The following KAT14 variants were observed in gnomAD, a reference collection of about 807,000 sequenced individuals.
The protein encoded by KAT14 is lysine acetyltransferase 14, also known as cysteine-rich protein 2-binding protein.
A neutral mutation model predicts 78.4 loss-of-function variants in KAT14; 66 were observed. The observed-to-expected ratio is 0.84, with a 90% CI of 0.69 to 1.03. The LOEUF (loss-of-function observed/expected upper bound fraction) is 1.03, where lower values mean the gene tolerates loss of function less well. Ranked by LOEUF, KAT14 falls within the 50% of genes least tolerant of loss-of-function variation. KAT14 has a pLI of 0.00. For synonymous variants in KAT14, 344 were observed against 359.4 expected (o/e 0.96, Z 0.48); for missense variants, 870 against 972.5 (o/e 0.89, Z 1.40).
At chr20:18,138,731 C>T (rs961518013) in intron 1 of KAT14, among the ~76,000 whole-genome samples, 4 of 152,066 alleles carry the variant, frequency 2.6e-5, no homozygotes, top group Admixed American at 1.3e-4. Context: ...AGGAAATATC[C>T]GTGACCTGCT....
At chr20:18,145,957 G>T (rs1179878731) in intron 3 of KAT14, among the ~76,000 whole-genome samples, 1 of 152,144 alleles carries the variant, frequency 6.6e-6, no homozygotes, top group Non-Finnish European at 1.5e-5. Flanking sequence ...TGGAAAGATG[G>T]CTATGTTGAA....
At chr20:18,137,622 T>C (rs894475855), upstream of KAT14, among the ~76,000 whole-genome samples, 6 of 152,158 alleles carry the variant, frequency 3.9e-5, no homozygotes, top group Non-Finnish European at 8.8e-5. Context: ...CTGAACTGAC[T>C]GAGGGGCATG....
intron 7 of KAT14, among the ~76,000 whole-genome samples, chr20:18,179,385 T>C (rs2039166499): frequency 6.6e-6 from 1 of 152,232 alleles, no homozygotes; most frequent in Admixed American, 6.5e-5. Flanking sequence ...ATGAGGGCCC[T>C]GCCCTGACAG....
chr20:18,168,191 TTACA>T (rs1392003872), intron 7 of KAT14, among the ~76,000 whole-genome samples: 1 of 152,204 alleles, frequency 6.6e-6, no homozygotes, highest in African/African-American at 2.4e-5. Flanking sequence ...CATTATCATC[TTACA>T]TACAGTGTCA....
In KAT14 at chr20:18,184,717, C is replaced by T; in HGVS notation, c.2097C>T (p.Tyr699=). The change falls in exon 10 of 11, where the codon TAC becomes TAT. Residue 699 remains tyrosine, a synonymous_variant. Transcript: ENST00000688188. ...MVPDVKYNEA[Y]ISFLFVHPEW... ...CTGATGTGAAATACAATGAAGCTTA[C>T]ATTTCATTTCTGTTCGTCCACCCTG... is the stretch of plus-strand genomic sequence containing the variant. The T allele has an allele frequency of 1.2e-6, 2 of 1,613,626 alleles. No homozygotes were observed. The highest frequency in any genetic ancestry group is 2.2e-5 in the South Asian group (2 of 90,988).
intron 7 of KAT14, among the ~76,000 whole-genome samples, chr20:18,165,990 G>C (rs538625450): frequency 1.0e-3 from 157 of 152,296 alleles, no homozygotes; most frequent in African/African-American, 3.7e-3. Flanking sequence ...CGACGCCATA[G>C]GTTTAAAAGA....
chr20:18,186,333 A>C (rs1241440437), intron 10 of KAT14, among the ~76,000 whole-genome samples: 2 of 152,212 alleles, frequency 1.3e-5, no homozygotes, highest in Non-Finnish European at 2.9e-5. Flanking sequence ...GCAATCTAGC[A>C]AACACCAATA....
At chr20:18,166,913 C>T (rs545728497) in intron 7 of KAT14, among the ~76,000 whole-genome samples, 1 of 152,350 alleles carries the variant, frequency 6.6e-6, no homozygotes, top group East Asian at 1.9e-4. Context: ...CACTGCACTT[C>T]CTTTAGGTTT....
chr20:18,156,889 A>G (rs2038246744), intron 4 of KAT14, among the ~76,000 whole-genome samples: 1 of 152,212 alleles, frequency 6.6e-6, no homozygotes, highest in African/African-American at 2.4e-5. Flanking sequence ...AAGTACTGGG[A>G]CTTCCAACAT....
chr20:18,162,139 C>G lies in KAT14; in HGVS notation c.999C>G (p.Phe333Leu). ...TSPSPSPSLD[F>L]SAPGTPASHS... ...CATCTCCTTCTCCTTCTCTGGATTTCTCTGCCCCTGGTACACCTGCCTCTC... is the reference window on the plus strand; with the variant it reads ...CATCTCCTTCTCCTTCTCTGGATTTGTCTGCCCCTGGTACACCTGCCTCTC... Residue 333 changes from phenylalanine (F) to leucine (L), a missense_variant, in exon 6 of 11, where the codon TTC (phenylalanine) becomes TTG (leucine). Phe to Leu is a conservative substitution (Grantham distance 22, BLOSUM62 0). Coordinates refer to ENST00000688188, the MANE Select transcript of KAT14 (RefSeq NM_001392073.1). 1 of 1,614,246 alleles carries G rather than the reference C, an allele frequency of 6.2e-7. No homozygotes were observed. The highest frequency in any genetic ancestry group is 8.5e-7 in the Non-Finnish European group (1 of 1,180,048).
intron 5 of KAT14, among the ~76,000 whole-genome samples, chr20:18,159,582 CATG>C (rs2038345764): frequency 6.6e-6 from 1 of 152,222 alleles, no homozygotes; most frequent in African/African-American, 2.4e-5. Context: ...TAATAAATAA[CATG>C]ATGAATTCCC....
rs1170458126 is a variant in KAT14 at position 18,176,568 on chromosome 20, TGAA to T, written c.1669-5141_1669-5139del. Among the ~76,000 whole-genome samples, 5 of 151,864 alleles carry T rather than the reference TGAA, an allele frequency of 3.3e-5. No homozygotes were observed. In the East Asian group the frequency reaches 7.7e-4, roughly 23 times the overall value. On this transcript the variant is annotated intron_variant, in intron 7 of 10. Coordinates refer to ENST00000688188, the MANE Select transcript of KAT14 (RefSeq NM_001392073.1). Reference sequence around the variant, plus strand: ...ACGGCCTCTCTGAGGAGGCAGCACTTGAACTAAGTCCACAAGGAGGAGCCAGGG... The same window carrying T: ...ACGGCCTCTCTGAGGAGGCAGCACTTCTAAGTCCACAAGGAGGAGCCAGGG...
At chr20:18,147,154 C>T (rs926660700) in intron 3 of KAT14, among the ~76,000 whole-genome samples, 10 of 152,120 alleles carry the variant, frequency 6.6e-5, no homozygotes, top group Non-Finnish European at 1.2e-4. Flanking sequence ...TAGCAGCCTT[C>T]GTCTATTATC....
intron 1 of KAT14, 197 bp downstream of exon 1, chr20:18,138,248 G>A (rs897566551): frequency 4.0e-6 from 5 of 1,240,780 alleles, no homozygotes; most frequent in Non-Finnish European, 5.0e-6. Context: ...CTCCCGGCGG[G>A]CGTGTGCAGC....
chr20:18,146,039 G>A (rs763624500), intron 3 of KAT14, among the ~76,000 whole-genome samples: 8 of 152,120 alleles, frequency 5.3e-5, no homozygotes, highest in Non-Finnish European at 1.0e-4. Context: ...ATTTGAACTC[G>A]GAGATGTTTG....
chr20:18,162,088 C>T lies in KAT14; in HGVS notation c.948C>T (p.Ser316=). 1 of 1,614,212 alleles carries T rather than the reference C, an allele frequency of 6.2e-7. No homozygotes were observed. The highest frequency in any genetic ancestry group is 2.2e-5 in the East Asian group (1 of 44,878). Residue 316 remains serine (S), a synonymous_variant, in exon 6 of 11, where the codon TCC becomes TCT. Transcript: ENST00000688188. ...GEVIDFSSLS[S]SDRTPLTSPS... is the part of the protein sequence containing the mutation. ...TGATTGACTTTTCCTCCTTGAGCTC[C>T]TCTGACCGCACCCCGCTGACAAGCC...
chr20:18,145,147 G>T, intron 2 of KAT14, 86 bp from the exon 3 acceptor site: 1 of 1,494,672 alleles, frequency 6.7e-7, no homozygotes. Context: ...CATGGGAAAG[G>T]AAAATCTGGG....
At chr20:18,151,099 A>G (rs1287820697) in intron 4 of KAT14, among the ~76,000 whole-genome samples, 157 bp downstream of exon 4, 2 of 152,198 alleles carry the variant, frequency 1.3e-5, no homozygotes, top group South Asian at 2.1e-4. Context: ...ACCATAGCTC[A>G]CTGCATCCTC....
chr20:18,138,273 C>T (rs2037377089), intron 1 of KAT14: 1 of 1,221,262 alleles, frequency 8.2e-7, no homozygotes, highest in East Asian at 3.4e-5. Flanking sequence ...AGATTCAGGA[C>T]GACCCGGCTG....
Sources: gnomAD v4.1 joint callset for allele counts (sites outside exome capture counted in the v4.1 genomes callset) on GRCh38, gnomAD v4.1.1 for gene constraint, MANE v1.5 for transcripts, NCBI Gene and HGNC (gene_info 2026-07-23, HGNC 2026-07-21) for gene names.